The following PCDH9 variants were observed in gnomAD, a reference collection of about 807,000 sequenced individuals.
The protein encoded by PCDH9 is protocadherin 9.
Under a neutral mutation model 70.6 loss-of-function variants are expected in PCDH9, and 24 were observed. The ratio of observed to expected loss-of-function variants is 0.34; its 90% CI spans 0.25 to 0.48. The LOEUF is 0.48. Ranked by LOEUF, PCDH9 falls within the 20% of genes least tolerant of loss-of-function variation. The probability of loss-of-function intolerance (pLI) is 0.99; values close to 1 mark genes in which losing one functional copy is unlikely to be tolerated. For missense variants in PCDH9, 1,281 were observed against 1,503.6 expected (o/e 0.85, Z 2.45); for synonymous variants, 562 against 558.5 (o/e 1.01, Z -0.09).
intron 4 of PCDH9, among the ~76,000 whole-genome samples, chr13:66,474,747 T>C (rs1046702552): frequency 4.6e-5 from 7 of 152,056 alleles, no homozygotes; most frequent in African/African-American, 1.7e-4. Flanking sequence ...CTTACCACTA[T>C]CACTGAGTCA....
At chr13:67,093,692 G>A (rs1488027439) in intron 2 of PCDH9, among the ~76,000 whole-genome samples, 1 of 152,128 alleles carries the variant, frequency 6.6e-6, no homozygotes, top group Non-Finnish European at 1.5e-5. Context: ...ATACCTGCCT[G>A]CAAAGTGGCT....
chr13:66,507,136 G>A (rs2138574627), intron 4 of PCDH9, among the ~76,000 whole-genome samples: 1 of 152,268 alleles, frequency 6.6e-6, no homozygotes, highest in East Asian at 1.9e-4. Context: ...TCCCCCTGCT[G>A]TAATATTATT....
intron 4 of PCDH9, among the ~76,000 whole-genome samples, chr13:66,618,034 G>A (rs1013858884): frequency 3.3e-5 from 5 of 152,194 alleles, no homozygotes; most frequent in Admixed American, 3.3e-4. Flanking sequence ...GTTTGTAGCA[G>A]AGAGGAGCCT....
rs186437389 is a variant in PCDH9, at chr13:66,379,488, A to T, written c.3341-74460T>A. Among the ~76,000 whole-genome samples the T allele has an allele frequency of 1.0e-3, 154 of 152,296 alleles. 2 individuals carry two copies. The highest frequency in any genetic ancestry group is 3.5e-3 in the African/African-American group (147 of 41,548). On this transcript the variant is annotated intron_variant, in intron 4 of 4. Transcript: ENST00000377865. ...GGGTTATTTCTTGAGTGGCAAGGAA[A>T]AATGCATAGTTATGCTGAGATGCAA...
intron 2 of PCDH9, among the ~76,000 whole-genome samples, chr13:67,184,101 G>C (rs9529198): frequency 0.53 from 80,363 of 151,790 alleles, 21,639 homozygotes; most frequent in Middle Eastern, 0.63. Flanking sequence ...TGTTTCATGC[G>C]CAAAAAATAA....
intron 4 of PCDH9, among the ~76,000 whole-genome samples, chr13:66,618,404 A>T (rs2077384592): frequency 6.6e-6 from 1 of 152,320 alleles, no homozygotes; most frequent in Non-Finnish European, 1.5e-5. Context: ...AATAGCATTA[A>T]GGTAAATTTG....
intron 4 of PCDH9, among the ~76,000 whole-genome samples, chr13:66,576,311 C>T (rs1421360003): frequency 6.6e-6 from 1 of 152,040 alleles, no homozygotes; most frequent in Non-Finnish European, 1.5e-5. Flanking sequence ...TCTTTATACA[C>T]ACACACATAG....
intron 2 of PCDH9, among the ~76,000 whole-genome samples, chr13:66,970,719 C>T (rs2083506985): frequency 2.0e-5 from 3 of 151,578 alleles, no homozygotes; most frequent in Admixed American, 6.6e-5. Flanking sequence ...ACTCTGGATC[C>T]CTTCCCAATT....
At chr13:67,071,361 C>G (rs1023538855) in intron 2 of PCDH9, among the ~76,000 whole-genome samples, 2 of 152,090 alleles carry the variant, frequency 1.3e-5, no homozygotes, top group South Asian at 2.1e-4. Context: ...TAATTTTGGA[C>G]TCTGAAATTG....
chr13:66,861,232 C>T (rs1376410178), intron 3 of PCDH9, among the ~76,000 whole-genome samples: 1 of 152,170 alleles, frequency 6.6e-6, no homozygotes, highest in Non-Finnish European at 1.5e-5. Context: ...ACTTTCAGTT[C>T]ATCCAGCATA....
At chr13:66,627,582 C>G (rs925160969) in intron 4 of PCDH9, among the ~76,000 whole-genome samples, 10 of 152,146 alleles carry the variant, frequency 6.6e-5, no homozygotes, top group Non-Finnish European at 1.3e-4. Flanking sequence ...TCTAGGGGCT[C>G]CCAGGGCCTC....
intron 3 of PCDH9, among the ~76,000 whole-genome samples, chr13:66,827,457 T>C (rs2080845686): frequency 6.7e-6 from 1 of 149,670 alleles, no homozygotes; most frequent in South Asian, 2.1e-4. Context: ...AGAAAAAAAA[T>C]AAAGGCTCTC....
At chr13:67,197,715 AAT>A (rs1335509065) in intron 2 of PCDH9, among the ~76,000 whole-genome samples, 2 of 151,972 alleles carry the variant, frequency 1.3e-5, no homozygotes, top group African/African-American at 4.8e-5. Context: ...TAAAGCAGCA[AAT>A]ATATTTCTGT....
At chr13:66,633,131 C>T (rs1379596709) in intron 3 of PCDH9, among the ~76,000 whole-genome samples, 3 of 152,126 alleles carry the variant, frequency 2.0e-5, no homozygotes, top group African/African-American at 7.2e-5. Context: ...CACTTTACTG[C>T]TGTTCAATGA....
chr13:67,121,709 G>A (rs1388738914), intron 2 of PCDH9, among the ~76,000 whole-genome samples: 1 of 152,138 alleles, frequency 6.6e-6, no homozygotes, highest in Non-Finnish European at 1.5e-5. Context: ...GGCTATGTCT[G>A]TAAGAAAAAT....
intron 2 of PCDH9, among the ~76,000 whole-genome samples, chr13:67,059,885 G>GTTTTT (rs56867131): frequency 2.1e-5 from 3 of 143,414 alleles, no homozygotes; most frequent in Non-Finnish European, 3.0e-5. Context: ...GTTTTTTGTT[G>GTTTTT]TTTTTTTTTT....
intron 4 of PCDH9, among the ~76,000 whole-genome samples, chr13:66,497,354 A>G (rs907819188): frequency 1.3e-5 from 2 of 152,058 alleles, no homozygotes; most frequent in Non-Finnish European, 2.9e-5. Flanking sequence ...CTTATTTTTA[A>G]TAAATATGTT....
chr13:66,922,435 G>C (rs1379189052), intron 2 of PCDH9, among the ~76,000 whole-genome samples: 1 of 151,238 alleles, frequency 6.6e-6, no homozygotes, highest in Non-Finnish European at 1.5e-5. Flanking sequence ...CTTCCAAATG[G>C]ACAGGAGAGC....
chr13:67,006,905 C>T (rs1448407389), intron 2 of PCDH9, among the ~76,000 whole-genome samples: 1 of 152,020 alleles, frequency 6.6e-6, no homozygotes, highest in Non-Finnish European at 1.5e-5. Flanking sequence ...AATATTTTTG[C>T]AAACATAGAA....
Sources: allele counts gnomAD v4.1 joint callset (sites outside exome capture counted in the v4.1 genomes callset), GRCh38; gene constraint gnomAD v4.1.1; transcripts MANE v1.5; gene names NCBI Gene and HGNC (gene_info 2026-07-23, HGNC 2026-07-21).